OSBPL10: variants seen among roughly 807,000 people sequenced by gnomAD.
OSBPL10 encodes oxysterol binding protein like 10, also known as oxysterol-binding protein-related protein 10.
Under a neutral mutation model 81.7 loss-of-function variants are expected in OSBPL10, and 49 were observed. The ratio of observed to expected loss-of-function variants is 0.60; its 90% CI spans 0.48 to 0.76. The LOEUF is 0.76. Among genes scored for constraint, OSBPL10 ranks in the 30% least tolerant of loss-of-function variants. The pLI, the probability that OSBPL10 is intolerant of heterozygous loss-of-function variation, is 0.00. For missense variants in OSBPL10, 923 were observed against 987.8 expected (o/e 0.93, Z 0.88); for synonymous variants, 419 against 383.6 (o/e 1.09, Z -1.08).
intron 1 of OSBPL10, among the ~76,000 whole-genome samples, chr3:31,959,096 A>G (rs35037587): frequency 3.1e-4 from 47 of 152,216 alleles, no homozygotes; most frequent in Non-Finnish European, 5.1e-4. Context: ...GGAATCACAC[A>G]TGCTGCATTT....
chr3:31,676,039 T>C (rs1336378176), intron 8 of OSBPL10, among the ~76,000 whole-genome samples: 1 of 151,724 alleles, frequency 6.6e-6, no homozygotes, highest in African/African-American at 2.4e-5. Flanking sequence ...CTTTCTCTAA[T>C]GTAATACTGC....
intron 4 of OSBPL10, among the ~76,000 whole-genome samples, chr3:31,774,202 G>A (rs969240042): frequency 6.6e-5 from 10 of 151,522 alleles, no homozygotes; most frequent in African/African-American, 2.2e-4. Flanking sequence ...GAAAACAGAT[G>A]ATGCTTTTCA....
chr3:31,704,868 C>G (rs1271178287), intron 6 of OSBPL10: 2 of 152,276 alleles, frequency 1.3e-5, no homozygotes, highest in Non-Finnish European at 2.9e-5. Flanking sequence ...CTTCTAGTAG[C>G]CAGAAAGTCT....
chr3:31,943,584 C>T (rs984692310), intron 1 of OSBPL10, among the ~76,000 whole-genome samples: 7 of 152,134 alleles, frequency 4.6e-5, no homozygotes, highest in African/African-American at 1.7e-4. Flanking sequence ...TATACACATA[C>T]ACAGAGACAG....
At chr3:31,707,248 T>C (rs1037256426) in intron 6 of OSBPL10, 1 of 152,186 alleles carries the variant, frequency 6.6e-6, no homozygotes, top group African/African-American at 2.4e-5. Context: ...GAGGGTCTAC[T>C]CTAGCACGGA....
At position 31,980,918 on chromosome 3, in the gene OSBPL10, G is replaced by T; in HGVS notation, c.262C>A (p.Leu88Ile). 1 of 1,579,950 alleles carries T rather than the reference G, an allele frequency of 6.3e-7. No individual in the cohort carries two copies. ...CGTTACCTGTTCTGCCAGCCCTGGA[G>T]GAGGTTGGTGTATTTGCTGAGCACG... ...EGVLSKYTNLLQGWQNRYFVL... is the reference protein window; with the variant it reads ...EGVLSKYTNLIQGWQNRYFVL... The change falls in exon 1 of 12, where the codon CTC becomes ATC. Residue 88 changes from leucine (L) to isoleucine (I), a missense_variant. By Grantham distance (5) the Leu-to-Ile change is conservative (BLOSUM62 2). Transcript: ENST00000396556.
intron 3 of OSBPL10, among the ~76,000 whole-genome samples, chr3:31,833,737 A>ACACACACT (rs1491340793): frequency 9.9e-4 from 139 of 139,908 alleles, no homozygotes; most frequent in Non-Finnish European, 1.4e-3. Context: ...ACACACACAC[A>ACACACACT]CTCTCTCTCT....
At chr3:31,990,326 A>G in intron 2 of OSBPL10, 1 of 1,614,158 alleles carries the variant, frequency 6.2e-7, no homozygotes, top group Non-Finnish European at 8.5e-7. Context: ...ATTGCAAATC[A>G]TTGGAGAATC....
At chr3:31,813,496 T>C (rs1212752432) in intron 4 of OSBPL10, among the ~76,000 whole-genome samples, 2 of 152,254 alleles carry the variant, frequency 1.3e-5, no homozygotes, top group Non-Finnish European at 2.9e-5. Context: ...AGTGTTCATG[T>C]AAGTTAAGGC....
chr3:31,672,770 A>T (rs7653736), intron 8 of OSBPL10, among the ~76,000 whole-genome samples: 76,921 of 151,712 alleles, frequency 0.51, 22,825 homozygotes, highest in African/African-American at 0.83. Context: ...CTAGTATGTG[A>T]TTAGGGGCCT....
intron 1 of OSBPL10, among the ~76,000 whole-genome samples, chr3:31,896,435 C>G (rs1696059683): frequency 6.6e-6 from 1 of 152,186 alleles, no homozygotes; most frequent in Non-Finnish European, 1.5e-5. Context: ...ATCACTGCTT[C>G]CAACTCTGGA....
intron 2 of OSBPL10, among the ~76,000 whole-genome samples, chr3:31,877,569 T>C (rs974518868): frequency 2.0e-5 from 3 of 148,846 alleles, no homozygotes; most frequent in African/African-American, 7.6e-5. Flanking sequence ...TGCATAAATG[T>C]TGACTATGAA....
intron 1 of OSBPL10, among the ~76,000 whole-genome samples, chr3:31,923,354 G>C (rs1249195662): frequency 6.6e-6 from 1 of 152,070 alleles, no homozygotes; most frequent in Non-Finnish European, 1.5e-5. Flanking sequence ...TAATCAGAGT[G>C]AAAGTTGTCA....
At chr3:32,072,421 C>A (rs959650885) in intron 1 of OSBPL10, among the ~76,000 whole-genome samples, 3 of 151,708 alleles carry the variant, frequency 2.0e-5, no homozygotes, top group African/African-American at 7.3e-5. Flanking sequence ...ACCTACTCTC[C>A]CACTGAAACT....
rs386396290 is a variant in OSBPL10, at chr3:31,905,345, A to ATTTTTTTTTTTTTTT, written c.282-25530_282-25516dup. Among the ~76,000 whole-genome samples the ATTTTTTTTTTTTTTT allele has an allele frequency of 1.9e-4, 18 of 94,816 alleles. 1 individual carries two copies. Among genetic ancestry groups the ATTTTTTTTTTTTTTT allele is most frequent in the African/African-American group, 6.6e-4 (14 of 21,288 alleles). 62.2% of individuals were successfully genotyped at this position (94,816 alleles called of 152,430 possible). A position where few individuals can be genotyped will look rare whatever the true frequency, so the allele number is the denominator to read the frequency against. Reference sequence around the variant, plus strand: ...GAGCTCTATGTCAAGGAACCTGGTGATTTTTTTTTTTTTTTTTTTTTTTAG... The same window carrying ATTTTTTTTTTTTTTT: ...GAGCTCTATGTCAAGGAACCTGGTGATTTTTTTTTTTTTTTTTTTTTTTTTTTTTTTTTTTTTTAG... On this transcript the variant is annotated intron_variant, in intron 1 of 11. Coordinates refer to ENST00000396556, the MANE Select transcript of OSBPL10 (RefSeq NM_017784.5).
At chr3:31,726,759 A>G (rs939803205) in intron 6 of OSBPL10, among the ~76,000 whole-genome samples, 2 of 152,120 alleles carry the variant, frequency 1.3e-5, no homozygotes, top group African/African-American at 4.8e-5. Context: ...AGAAACTTGT[A>G]TCTTTGAGGC....
intron 6 of OSBPL10, among the ~76,000 whole-genome samples, chr3:31,723,139 C>T (rs1696701482): frequency 6.6e-6 from 1 of 152,132 alleles, no homozygotes; most frequent in Admixed American, 6.5e-5. Flanking sequence ...ACCACTACAG[C>T]CAATAGAGAG....
chr3:31,794,706 CAGGA>C, intron 4 of OSBPL10: 1 of 301,742 alleles, frequency 3.3e-6, no homozygotes, highest in Non-Finnish European at 6.9e-6. Flanking sequence ...AGTCTCAGGT[CAGGA>C]CTCTGAGGGC....
rs548477739 is a variant in OSBPL10, at chr3:31,685,225, CAG to C, written c.1246-1113_1246-1112del. ...CGGGTATTTTTTGTTTGTTTTGAGA[CAG>C]AGTCACCTTCTGTCACCCAGGCTGG... is the stretch of plus-strand genomic sequence containing the variant. On this transcript the variant is annotated intron_variant, in intron 7 of 11. Coordinates refer to ENST00000396556, the MANE Select transcript of OSBPL10 (RefSeq NM_017784.5). Among the ~76,000 whole-genome samples the C allele has an allele frequency of 4.5e-4, 68 of 152,292 alleles. No individual in the cohort carries two copies. In the South Asian group the frequency reaches 0.011, roughly 24 times the overall value.
Sources: allele counts gnomAD v4.1 joint callset (sites outside exome capture counted in the v4.1 genomes callset), GRCh38; gene constraint gnomAD v4.1.1; transcripts MANE v1.5; gene names NCBI Gene and HGNC (gene_info 2026-07-23, HGNC 2026-07-21).